Variants in CYSLTR1 observed in about 807,000 individuals in gnomAD.
CYSLTR1 encodes cysteinyl leukotriene receptor 1.
Under a neutral mutation model 2.1 loss-of-function variants are expected in CYSLTR1, and 1 was observed. The observed-to-expected ratio is 0.48, with a 90% CI of 0.17 to 2.28. CYSLTR1 has a LOEUF of 2.28. CYSLTR1 is among the 30% of genes most tolerant of loss of function. The pLI, the probability that CYSLTR1 is intolerant of heterozygous loss-of-function variation, is 0.26. For missense variants in CYSLTR1, 299 were observed against 250.1 expected, an observed-to-expected ratio of 1.20 and a Z score of -1.32; for synonymous variants, 110 against 89.6, an observed-to-expected ratio of 1.23 and a Z score of -1.28.
At chrX:78,287,693 C>A (rs1293281384) in intron 1 of CYSLTR1, among the ~76,000 whole-genome samples, 2 of 111,465 alleles carry the variant, frequency 1.8e-5, no homozygotes, top group African/African-American at 6.5e-5. Flanking sequence ...CTGTGTTATT[C>A]CATTTATATA....
Position 78,291,952 on chromosome X carries a change from T to C in CYSLTR1, c.-114-8412A>G, listed in dbSNP as rs181777252. On this transcript the variant is annotated intron_variant, in intron 1 of 2. Transcript: ENST00000373304. ...TTCATTGATTTTTTTGAAGAGTTTT[T>C]TTGTGTCTCTATCTCCTTTAGTTCT... Among the ~76,000 whole-genome samples the C allele has an allele frequency of 4.2e-3, 472 of 111,084 alleles. 4 individuals are homozygous for C. The highest frequency in any genetic ancestry group is 0.015 in the African/African-American group (461 of 30,610).
At chrX:78,286,896 G>T (rs1009397042) in intron 1 of CYSLTR1, among the ~76,000 whole-genome samples, 4 of 110,985 alleles carry the variant, frequency 3.6e-5, no homozygotes, top group African/African-American at 1.3e-4. Flanking sequence ...ATCTCATTTT[G>T]ATTTTGATTT....
In CYSLTR1 at chrX:78,327,402, T is replaced by C. The variant is rs759063534; in HGVS notation, c.-212A>G. On this transcript the variant is annotated 5_prime_UTR_variant, in exon 1 of 3. Transcript: ENST00000373304. ...AAATTCGATCTACCAGTCCTTGCAA[T>C]TAATCCTTGTTGGCGAGCTGCACAG... The C allele has an allele frequency of 8.9e-6, 1 of 111,924 alleles. No homozygotes were observed. Among genetic ancestry groups the C allele is most frequent in the Non-Finnish European group, 1.9e-5 (1 of 53,185 alleles). The allele number at this position is 111,924 out of a possible 1,213,427, so 9.2% of individuals were successfully genotyped here.
chrX:78,304,863 A>T (rs5913677), intron 1 of CYSLTR1, among the ~76,000 whole-genome samples: 12,858 of 111,739 alleles, frequency 0.12, 1,472 homozygotes, highest in African/African-American at 0.36. Context: ...CATATAGCTT[A>T]GAAGGTATAT....
At chrX:78,281,611 C>T (rs1921848087) in intron 2 of CYSLTR1, among the ~76,000 whole-genome samples, 1 of 111,273 alleles carries the variant, frequency 9.0e-6, no homozygotes, top group Admixed American at 9.7e-5. Context: ...GCCATTCCAA[C>T]TTGTGTGAGA....
chrX:78,275,940 G>A (rs2149181407), intron 2 of CYSLTR1, among the ~76,000 whole-genome samples: 1 of 111,732 alleles, frequency 8.9e-6, no homozygotes, highest in South Asian at 3.8e-4. Flanking sequence ...AAGCCATATA[G>A]TTATTTAATG....
intron 1 of CYSLTR1, among the ~76,000 whole-genome samples, chrX:78,316,963 C>T (rs1224949497): frequency 8.9e-6 from 1 of 111,827 alleles, no homozygotes; most frequent in Non-Finnish European, 1.9e-5. Flanking sequence ...GCAAATACAA[C>T]AAAAACAACA....
At chrX:78,322,722 T>C (rs1200772939) in intron 1 of CYSLTR1, among the ~76,000 whole-genome samples, 1 of 112,084 alleles carries the variant, frequency 8.9e-6, no homozygotes, top group Non-Finnish European at 1.9e-5. Context: ...GGGATATGCT[T>C]TTTGGGAATA....
chrX:78,293,901 T>C (rs898184392), intron 1 of CYSLTR1, among the ~76,000 whole-genome samples: 3 of 111,762 alleles, frequency 2.7e-5, no homozygotes, highest in Non-Finnish European at 5.6e-5. Context: ...TCAAGGTTTT[T>C]AGCTTCTTTG....
At chrX:78,296,846 G>A (rs55660313) in intron 1 of CYSLTR1, among the ~76,000 whole-genome samples, 4,472 of 111,435 alleles carry the variant, frequency 0.04, 87 homozygotes, top group East Asian at 0.085. Flanking sequence ...ACAAGGATAA[G>A]TTGACTTATT....
intron 2 of CYSLTR1, among the ~76,000 whole-genome samples, chrX:78,278,871 C>A (rs747429236): frequency 2.7e-5 from 3 of 111,895 alleles, no homozygotes; most frequent in African/African-American, 9.7e-5. Flanking sequence ...ACTTCCTATT[C>A]AAAAAAATGG....
chrX:78,320,665 C>G (rs1310900736), intron 1 of CYSLTR1: 22 of 111,642 alleles, frequency 2.0e-4, no homozygotes, highest in African/African-American at 5.9e-4. Context: ...TTGGTAGCTT[C>G]ATGGGGATGG....
chrX:78,286,946 C>T (rs965211454), intron 1 of CYSLTR1, among the ~76,000 whole-genome samples: 2 of 111,052 alleles, frequency 1.8e-5, no homozygotes, highest in African/African-American at 6.6e-5. Context: ...TGCTTATTTG[C>T]CATACATATA....
intron 1 of CYSLTR1, among the ~76,000 whole-genome samples, chrX:78,322,767 A>T (rs1923715372): frequency 9.0e-6 from 1 of 111,714 alleles, no homozygotes; most frequent in African/African-American, 3.3e-5. Context: ...TTGGTATTAA[A>T]AACTATGGGG....
chrX:78,297,392 C>A lies in CYSLTR1; in HGVS notation c.-114-13852G>T, dbSNP rs554572669. 3.6e-5 allele frequency among the ~76,000 whole-genome samples: 4 copies of A among 111,405 alleles called. No individual in the cohort carries two copies. In the South Asian group the frequency reaches 1.5e-3, roughly 41 times the overall value. On this transcript the variant is annotated intron_variant, in intron 1 of 2. Transcript: ENST00000373304. The stretch of plus-strand genomic sequence containing the variant: ...GTTTGGTTTTGGTATCAAGGTAATA[C>A]TGGCCTCTTAGGATAAATTTGGAAG...
At chrX:78,292,687 G>A (rs933943438) in intron 1 of CYSLTR1, among the ~76,000 whole-genome samples, 2 of 111,266 alleles carry the variant, frequency 1.8e-5, no homozygotes, top group African/African-American at 6.5e-5. Context: ...GATAGTTAGC[G>A]CTTCTTGTTG....
intron 1 of CYSLTR1, among the ~76,000 whole-genome samples, chrX:78,299,060 C>T (rs893974500): frequency 9.0e-6 from 1 of 110,852 alleles, no homozygotes; most frequent in African/African-American, 3.3e-5. Flanking sequence ...TTTGAGGTTA[C>T]CATGAGGCCT....
At chrX:78,296,380 G>C (rs944721249) in intron 1 of CYSLTR1, among the ~76,000 whole-genome samples, 1 of 110,938 alleles carries the variant, frequency 9.0e-6, no homozygotes, top group African/African-American at 3.3e-5. Flanking sequence ...GGCTATTCTG[G>C]GTCTGTTGTG....
chrX:78,288,240 C>T (rs1457312891), intron 1 of CYSLTR1, among the ~76,000 whole-genome samples: 1 of 110,385 alleles, frequency 9.1e-6, no homozygotes, highest in Non-Finnish European at 1.9e-5. Flanking sequence ...ATATACCATA[C>T]AACTATATTG....
Sources: allele counts gnomAD v4.1 joint callset (sites outside exome capture counted in the v4.1 genomes callset), GRCh38; gene constraint gnomAD v4.1.1; transcripts MANE v1.5; gene names NCBI Gene and HGNC (gene_info 2026-07-23, HGNC 2026-07-21).